Variants in ADGRV1 observed in about 807,000 individuals in gnomAD.
ADGRV1 encodes adhesion G protein-coupled receptor V1.
ADGRV1 carries 359 observed loss-of-function variants against 596.2 expected under a neutral mutation model. That is an observed-to-expected ratio of 0.60 (90% CI 0.55 to 0.66). ADGRV1 has a LOEUF of 0.66. ADGRV1 is among the 30% of genes least tolerant of loss of function. The probability of loss-of-function intolerance (pLI) is 0.00; values close to 1 mark genes in which losing one functional copy is unlikely to be tolerated. For missense variants in ADGRV1, 7,274 were observed against 7,575.6 expected, an observed-to-expected ratio of 0.96 and a Z score of 1.48; for synonymous variants, 2,681 against 2,679.2, an observed-to-expected ratio of 1.00 and a Z score of -0.02.
chr5:90,800,429 T>C (rs574741593), intron 70 of ADGRV1, among the ~76,000 whole-genome samples: 1 of 152,280 alleles, frequency 6.6e-6, no homozygotes, highest in East Asian at 1.9e-4. Flanking sequence ...AAACAACAGA[T>C]GCTGGAGAGG....
chr5:90,959,381 T>C (rs1046455745), intron 83 of ADGRV1, among the ~76,000 whole-genome samples: 2 of 151,952 alleles, frequency 1.3e-5, no homozygotes, highest in African/African-American at 4.8e-5. Context: ...ACTGTATTCA[T>C]GAGATGCAAG....
At chr5:90,809,478 C>T (rs1762244621) in intron 73 of ADGRV1, among the ~76,000 whole-genome samples, 1 of 152,168 alleles carries the variant, frequency 6.6e-6, no homozygotes, top group South Asian at 2.1e-4. Context: ...TCAACCCAGG[C>T]TGAATGGCCT....
chr5:90,994,567 T>C (rs1170197526), intron 85 of ADGRV1, among the ~76,000 whole-genome samples: 1 of 152,234 alleles, frequency 6.6e-6, no homozygotes, highest in Non-Finnish European at 1.5e-5. Context: ...GCCTGAGGGA[T>C]AGTTTCTATT....
In ADGRV1 at chr5:90,976,230, A is replaced by G. The variant is rs562177902; in HGVS notation, c.17974-9114A>G. Among the ~76,000 whole-genome samples, 4 of 147,626 alleles carry G rather than the reference A, an allele frequency of 2.7e-5. No homozygotes were observed. In the East Asian group the frequency reaches 7.9e-4, roughly 29 times the overall value. ...TGTGTGAGTGTGTATATATATATAT[A>G]TATACACAATGTACATATATTTATA... On this transcript the variant is annotated intron_variant, in intron 84 of 89. Transcript: ENST00000405460.
chr5:91,040,646 A>G (rs557837923), intron 85 of ADGRV1, among the ~76,000 whole-genome samples: 39 of 152,342 alleles, frequency 2.6e-4, no homozygotes, highest in African/African-American at 8.2e-4. Context: ...CTGTGTTTTC[A>G]GTGAATAGAA....
chr5:90,855,095 T>G (rs1766898238), intron 81 of ADGRV1, among the ~76,000 whole-genome samples: 1 of 152,174 alleles, frequency 6.6e-6, no homozygotes, highest in Admixed American at 6.5e-5. Flanking sequence ...TTAAGAGGCA[T>G]TTTAAGGGAA....
rs746052832 is a variant in ADGRV1, at chr5:90,774,248, G to A, written c.12348G>A (p.Arg4116=). ...AAGACACAGTGTTGGAGGAGGACAG[G>A]CGTTTCACCATTCAGCTGATATCAA... The part of the protein sequence containing the change: ...TLQDTVLEED[R]RFTIQLISID... The change falls in exon 60 of 90, where the codon AGG becomes AGA. Residue 4116 remains arginine, a synonymous_variant. Coordinates refer to ENST00000405460, the MANE Select transcript of ADGRV1 (RefSeq NM_032119.4). 3 of 1,611,334 alleles carry A rather than the reference G, an allele frequency of 1.9e-6. No homozygotes were observed. In the Admixed American group the frequency reaches 5.0e-5, roughly 27 times the overall value.
chr5:91,143,953 C>T (rs1382893131), intron 87 of ADGRV1, among the ~76,000 whole-genome samples: 1 of 152,180 alleles, frequency 6.6e-6, no homozygotes, highest in East Asian at 1.9e-4. Flanking sequence ...CAGTGCTTCC[C>T]TGAGTGTGTG....
chr5:90,868,451 T>C (rs1004790502), intron 83 of ADGRV1, among the ~76,000 whole-genome samples: 1 of 152,018 alleles, frequency 6.6e-6, no homozygotes. Context: ...AAGAGATAAT[T>C]TAGAGTATGA....
At chr5:91,120,965 G>A (rs1793264013) in intron 87 of ADGRV1, among the ~76,000 whole-genome samples, 1 of 152,154 alleles carries the variant, frequency 6.6e-6, no homozygotes, top group South Asian at 2.1e-4. Flanking sequence ...CTTGAGGTTA[G>A]GAGTTCGAGA....
intron 85 of ADGRV1, among the ~76,000 whole-genome samples, chr5:91,061,041 G>A (rs1344667980): frequency 6.6e-6 from 1 of 152,128 alleles, no homozygotes; most frequent in Non-Finnish European, 1.5e-5. Context: ...GGCTCTGAAA[G>A]GCTAGAAACT....
chr5:91,053,347 T>A (rs756443267), intron 85 of ADGRV1, among the ~76,000 whole-genome samples: 3 of 152,216 alleles, frequency 2.0e-5, no homozygotes, highest in Non-Finnish European at 2.9e-5. Context: ...CAAGCCTTTA[T>A]TTTAATTCTA....
rs570390898 is a variant in ADGRV1, at chr5:90,886,206, C to T, written c.17856+22349C>T. Among the ~76,000 whole-genome samples the T allele has an allele frequency of 1.4e-4, 21 of 152,192 alleles. No individual in the cohort carries two copies. The South Asian group carries it at 3.7e-3, about 27-fold the overall frequency. Reference sequence around the variant, plus strand: ...TCTGATCATATTCTCACTAGTATTACCTAATAGTCGGGAACCTTTATTTTC... The same window carrying T: ...TCTGATCATATTCTCACTAGTATTATCTAATAGTCGGGAACCTTTATTTTC... On this transcript the variant is annotated intron_variant, in intron 83 of 89. Coordinates refer to ENST00000405460, the MANE Select transcript of ADGRV1 (RefSeq NM_032119.4).
intron 83 of ADGRV1, among the ~76,000 whole-genome samples, chr5:90,882,851 TTG>T (rs1338058909): frequency 6.6e-6 from 1 of 151,804 alleles, no homozygotes; most frequent in Non-Finnish European, 1.5e-5. Context: ...ATGAACGTAA[TTG>T]TGATTTCAAA....
chr5:90,872,768 C>T (rs770043375), intron 83 of ADGRV1, among the ~76,000 whole-genome samples: 8 of 152,144 alleles, frequency 5.3e-5, no homozygotes, highest in Admixed American at 2.0e-4. Context: ...ACCCCTTCTC[C>T]ACCCCTTTAC....
rs1760010507 is a variant in ADGRV1, at chr5:90,791,017, T to G, written c.14188T>G (p.Tyr4730Asp). 5 of 1,613,924 alleles carry G rather than the reference T, an allele frequency of 3.1e-6. No individual in the cohort carries two copies. The highest frequency in any genetic ancestry group is 4.2e-6 in the Non-Finnish European group (5 of 1,179,864). The change falls in exon 70 of 90, where the codon TAT becomes GAT. Residue 4730 changes from tyrosine (Y) to aspartate (D), a missense_variant. By Grantham distance (160) the Tyr-to-Asp change is radical. Transcript: ENST00000405460. ...PDEVPEIEED[Y>D]VIQLVSVEGG... Reference sequence around the variant, plus strand: ...TGAGGTACCTGAGATAGAGGAAGATTATGTGATCCAGCTTGTTTCTGTAGA... The same window carrying G: ...TGAGGTACCTGAGATAGAGGAAGATGATGTGATCCAGCTTGTTTCTGTAGA...
intron 86 of ADGRV1, among the ~76,000 whole-genome samples, chr5:91,079,414 G>C (rs543676025): frequency 5.3e-5 from 8 of 152,090 alleles, no homozygotes; most frequent in African/African-American, 1.9e-4. Context: ...CTCAATCCTC[G>C]AAGATTCATA....
chr5:90,749,451 A>G (rs16869075), intron 52 of ADGRV1, among the ~76,000 whole-genome samples: 3,519 of 152,256 alleles, frequency 0.023, 133 homozygotes, highest in African/African-American at 0.082. Flanking sequence ...TTATTTAGGA[A>G]TGTTTGATTG....
At position 90,653,758 on chromosome 5, in the gene ADGRV1, C is replaced by T. The variant is rs764841094; in HGVS notation, c.4184C>T (p.Thr1395Ile). 6.2e-7 allele frequency: 1 copy of T among 1,613,190 alleles called. No individual in the cohort carries two copies. Among genetic ancestry groups the T allele is most frequent in the East Asian group, 2.2e-5 (1 of 44,872 alleles). The change falls in exon 20 of 90, where the codon ACA (threonine) becomes ATA (isoleucine). Residue 1395 changes from threonine (T) to isoleucine (I), a missense_variant. By Grantham distance (89) the Thr-to-Ile change is moderately conservative. This residue lies in a region of ADGRV1 where 1,715 missense variants were observed against 1,708.8 expected (regional missense o/e 1.00). Coordinates refer to ENST00000405460, the MANE Select transcript of ADGRV1 (RefSeq NM_032119.4). ...VKIQTNESHV[T>I]LSLHYKTLGS... ...ATACAAACAAACGAATCCCATGTGA[C>T]ACTTTCCCTTCATTATAAAACCTTG... is the stretch of plus-strand genomic sequence containing the variant.
Sources: allele counts gnomAD v4.1 joint callset (sites outside exome capture counted in the v4.1 genomes callset), GRCh38; gene constraint gnomAD v4.1.1; regional missense constraint gnomAD v4.1.1; transcripts MANE v1.5; gene names NCBI Gene and HGNC (gene_info 2026-07-23, HGNC 2026-07-21).